MCU: variants seen among roughly 807,000 people sequenced by gnomAD.
The protein encoded by MCU is calcium uniporter protein, mitochondrial.
In MCU, 12 loss-of-function variants were observed where a neutral mutation model predicts 45.2. The ratio of observed to expected loss-of-function variants is 0.27; its 90% CI spans 0.17 to 0.43. The LOEUF (loss-of-function observed/expected upper bound fraction) is 0.43. MCU is among the 20% of genes least tolerant of loss of function. The pLI is 1.00. For synonymous variants in MCU, 160 were observed against 165.1 expected (o/e 0.97, Z 0.24); for missense variants, 324 against 436.7 (o/e 0.74, Z 2.30).
chr10:72,699,860 G>A (rs780734008), intron 1 of MCU, among the ~76,000 whole-genome samples: 10 of 151,996 alleles, frequency 6.6e-5, no homozygotes, highest in Non-Finnish European at 1.5e-4. Context: ...CCAAAGTACT[G>A]GGGTTACAGG....
intron 1 of MCU, among the ~76,000 whole-genome samples, chr10:72,700,974 A>G (rs1038049632): frequency 3.9e-5 from 6 of 152,346 alleles, no homozygotes; most frequent in Middle Eastern, 6.8e-3. Context: ...TTAGAAATGT[A>G]CAGTCCTGAA....
intron 1 of MCU, among the ~76,000 whole-genome samples, chr10:72,788,962 T>C (rs545264925): frequency 6.6e-6 from 1 of 152,188 alleles, no homozygotes; most frequent in East Asian, 1.9e-4. Context: ...TAGAATGGAG[T>C]GTGATGTCTT....
At chr10:72,710,350 T>G (rs1001522887) in intron 1 of MCU, among the ~76,000 whole-genome samples, 1 of 152,092 alleles carries the variant, frequency 6.6e-6, no homozygotes, top group African/African-American at 2.4e-5. Context: ...ATAATAGATT[T>G]CTTGCCTAAA....
At chr10:72,773,822 A>G (rs1843849052) in intron 1 of MCU, among the ~76,000 whole-genome samples, 2 of 152,354 alleles carry the variant, frequency 1.3e-5, no homozygotes, top group East Asian at 1.9e-4. Context: ...GAGTATAATG[A>G]CATTTTCAGA....
At chr10:72,692,816 T>A in intron 1 of MCU, 1 of 1,419,784 alleles carries the variant, frequency 7.0e-7, no homozygotes, top group South Asian at 1.6e-5. Context: ...CCGCCCCTCG[T>A]CCTCTCTCGT....
At chr10:72,807,871 A>T (rs1027713104) in intron 1 of MCU, among the ~76,000 whole-genome samples, 6 of 152,234 alleles carry the variant, frequency 3.9e-5, no homozygotes, top group African/African-American at 1.4e-4. Flanking sequence ...AAAAAACTGA[A>T]AAGGAAAATA....
At chr10:72,808,070 G>A (rs930167318) in intron 1 of MCU, among the ~76,000 whole-genome samples, 2 of 152,102 alleles carry the variant, frequency 1.3e-5, no homozygotes, top group African/African-American at 4.8e-5. Context: ...TTTAGGAGAA[G>A]AATAACCTGA....
At chr10:72,731,053 G>C (rs1379376806) in intron 1 of MCU, 1 of 152,264 alleles carries the variant, frequency 6.6e-6, no homozygotes, top group Non-Finnish European at 1.5e-5. Flanking sequence ...CTCCCAAAGT[G>C]TTGGGATTAT....
Position 72,704,704 on chromosome 10 carries a change from A to ACTT in MCU, c.150+12403_150+12404insCTT, listed in dbSNP as rs1435890480. Among the ~76,000 whole-genome samples, 30 of 106,734 alleles carry ACTT rather than the reference A, an allele frequency of 2.8e-4. 4 individuals carry two copies. Among genetic ancestry groups the ACTT allele is most frequent in the South Asian group, 6.0e-4 (2 of 3,318 alleles). 70.0% of individuals were successfully genotyped at this position (106,734 alleles called of 152,430 possible). A position where few individuals can be genotyped will look rare whatever the true frequency, so the allele number is the denominator to read the frequency against. ...AGGCATGCACTGTCATGCCTGGATA[A>ACTT]TTTTTTTTTTTTTTTTTTTTTTTTT... is the stretch of plus-strand genomic sequence containing the variant. On this transcript the variant is annotated intron_variant, in intron 1 of 7. Coordinates refer to ENST00000373053, the MANE Select transcript of MCU (RefSeq NM_138357.3).
chr10:72,861,806 G>A, intron 4 of MCU: 2 of 298,574 alleles, frequency 6.7e-6, no homozygotes, highest in South Asian at 5.2e-5. Context: ...AAGATAAATA[G>A]TATTTTTATG....
chr10:72,779,260 G>A (rs569787582), intron 1 of MCU, among the ~76,000 whole-genome samples: 147 of 152,250 alleles, frequency 9.7e-4, no homozygotes, highest in Middle Eastern at 3.4e-3. Context: ...GAGCCACTGC[G>A]CCTGGCCTCA....
chr10:72,734,483 A>G (rs1843224370), intron 1 of MCU, among the ~76,000 whole-genome samples: 2 of 152,228 alleles, frequency 1.3e-5, no homozygotes, highest in South Asian at 4.1e-4. Flanking sequence ...AGTTAAAATT[A>G]TATATGTGGC....
rs1239694093 is a variant in MCU at position 72,844,938 on chromosome 10, T to C, written c.220+10510T>C. ...AATGCAATGCTAATCAAAACCCCAG[T>C]AGGAGCTGATCAACTTACTTAAAAA... On this transcript the variant is annotated intron_variant, in intron 2 of 7. Transcript: ENST00000373053. Among the ~76,000 whole-genome samples, 5 of 152,056 alleles carry C rather than the reference T, an allele frequency of 3.3e-5. No individual in the cohort carries two copies. The East Asian group carries it at 7.7e-4, about 23-fold the overall frequency.
At chr10:72,713,901 T>C (rs982073325) in intron 1 of MCU, among the ~76,000 whole-genome samples, 1 of 151,664 alleles carries the variant, frequency 6.6e-6, no homozygotes, top group African/African-American at 2.4e-5. Flanking sequence ...TTTTTTATAT[T>C]CCGGACACAC....
chr10:72,855,612 T>G (rs1845277162), intron 2 of MCU, among the ~76,000 whole-genome samples: 1 of 151,902 alleles, frequency 6.6e-6, no homozygotes, highest in Non-Finnish European at 1.5e-5. Context: ...TAATAAATAG[T>G]GATTAAATGA....
chr10:72,807,495 A>G (rs1844470379), intron 1 of MCU, among the ~76,000 whole-genome samples: 1 of 152,042 alleles, frequency 6.6e-6, no homozygotes, highest in South Asian at 2.1e-4. Context: ...TGTCATTTTT[A>G]TTAGAAAAGG....
chr10:72,832,934 A>ATGTG (rs6143982), intron 1 of MCU, among the ~76,000 whole-genome samples: 108 of 143,874 alleles, frequency 7.5e-4, no homozygotes, highest in Admixed American at 1.5e-3. Flanking sequence ...ACCAATAGCT[A>ATGTG]TGTGTGTGTG....
chr10:72,701,965 C>T (rs574282996), intron 1 of MCU, among the ~76,000 whole-genome samples: 21 of 152,172 alleles, frequency 1.4e-4, no homozygotes, highest in Admixed American at 6.5e-4. Context: ...CCCAGCCGGG[C>T]GCTGTGGCTC....
In MCU at chr10:72,692,279, G is replaced by GGCA. The variant is rs1842632652; in HGVS notation, c.138_140dup (p.Gln46dup). 8.2e-6 allele frequency: 10 copies of GGCA among 1,226,558 alleles called. No homozygotes were observed. Among genetic ancestry groups the GGCA allele is most frequent in the East Asian group, 3.2e-5 (1 of 31,064 alleles). The allele number at this position is 1,226,558 out of a possible 1,614,324, so 76.0% of individuals were successfully genotyped here. On this transcript the variant is annotated inframe_insertion, in exon 1 of 8. Coordinates refer to ENST00000373053, the MANE Select transcript of MCU (RefSeq NM_138357.3). ...CCTGGGCTGGGCGTCAGCCGCCACCGGCAGCAGCAGCACCACCGGACGGTG... is the reference window on the plus strand; with the variant it reads ...CCTGGGCTGGGCGTCAGCCGCCACCGGCAGCAGCAGCAGCACCACCGGACGGTG...
Sources: gnomAD v4.1 joint callset for allele counts (sites outside exome capture counted in the v4.1 genomes callset) on GRCh38, gnomAD v4.1.1 for gene constraint, MANE v1.5 for transcripts, NCBI Gene and HGNC (gene_info 2026-07-23, HGNC 2026-07-21) for gene names.